PTPRZ1: variants seen among roughly 807,000 people sequenced by gnomAD.
PTPRZ1 encodes receptor-type tyrosine-protein phosphatase zeta.
PTPRZ1 carries 82 observed loss-of-function variants against 214.1 expected under a neutral mutation model. The ratio of observed to expected loss-of-function variants is 0.38; its 90% CI spans 0.32 to 0.46. The LOEUF (loss-of-function observed/expected upper bound fraction) is 0.46. Ranked by LOEUF, PTPRZ1 falls within the 20% of genes least tolerant of loss-of-function variation. The pLI, the probability that PTPRZ1 is intolerant of heterozygous loss-of-function variation, is 1.00. For missense variants in PTPRZ1, 2,603 were observed against 2,748.7 expected (o/e 0.95, Z 1.19); for synonymous variants, 945 against 987.9 (o/e 0.96, Z 0.81).
At chr7:121,966,169 A>G (rs1240009519) in intron 2 of PTPRZ1, among the ~76,000 whole-genome samples, 1 of 152,250 alleles carries the variant, frequency 6.6e-6, no homozygotes, top group Non-Finnish European at 1.5e-5. Flanking sequence ...ATTTCAGAGC[A>G]GAAAAGAGTT....
rs1226933461 is a variant in PTPRZ1 at position 122,010,347 on chromosome 7, G to A, written c.1301G>A (p.Gly434Glu). ...TEEIIKEEEE[G>E]KDIEEGAIVN... is the part of the protein sequence containing the mutation. ...TGCTTTTCAAAGGAGGAGGAAGAGG[G>A]AAAAGACATTGAAGAAGGCGCTATT... is the stretch of plus-strand genomic sequence containing the variant. The change falls in exon 12 of 30, where the codon GGA (glycine) becomes GAA (glutamate). Residue 434 changes from glycine to glutamate, a missense_variant. Gly to Glu is a moderately conservative substitution (Grantham distance 98). This residue lies in a region of PTPRZ1 where 1,913 missense variants were observed against 1,914.3 expected (regional missense o/e 1.00). Coordinates refer to ENST00000393386, the MANE Select transcript of PTPRZ1 (RefSeq NM_002851.3). The A allele has an allele frequency of 1.2e-6, 2 of 1,604,944 alleles. No homozygotes were observed. Among genetic ancestry groups the A allele is most frequent in the Non-Finnish European group, 1.7e-6 (2 of 1,177,222 alleles).
intron 6 of PTPRZ1, among the ~76,000 whole-genome samples, chr7:121,983,019 C>T (rs1352156045): frequency 6.6e-6 from 1 of 152,214 alleles, no homozygotes; most frequent in Non-Finnish European, 1.5e-5. Context: ...CTTCGTGATC[C>T]ACCCACCTTG....
intron 1 of PTPRZ1, among the ~76,000 whole-genome samples, chr7:121,912,712 G>GT (rs1163957742): frequency 6.6e-6 from 1 of 152,088 alleles, no homozygotes; most frequent in East Asian, 1.9e-4. Flanking sequence ...GAAAAGAGTG[G>GT]TGGCATCTGT....
Position 122,011,090 on chromosome 7 carries a change from C to G in PTPRZ1, c.2044C>G (p.Arg682Gly). 1 of 1,614,082 alleles carries G rather than the reference C, an allele frequency of 6.2e-7. No individual in the cohort carries two copies. The highest frequency in any genetic ancestry group is 8.5e-7 in the Non-Finnish European group (1 of 1,180,002). The change falls in exon 12 of 30, where the codon CGT becomes GGT. Residue 682 changes from arginine (R) to glycine (G), a missense_variant. Physicochemically the swap from Arg to Gly is moderately radical, Grantham distance 125. Around this residue, in one of 6 missense-constraint regions of PTPRZ1, gnomAD observed 1,913 missense variants for 1,914.3 expected, o/e 1.00. Coordinates refer to ENST00000393386, the MANE Select transcript of PTPRZ1 (RefSeq NM_002851.3). ...TCTCCAGACTAATTACACTGAGATA[C>G]GTGTTGATGAATCTGAGAAGACAAC... is the stretch of plus-strand genomic sequence containing the variant. Reference protein sequence around the residue: ...SFLQTNYTEIRVDESEKTTKS... With the variant: ...SFLQTNYTEIGVDESEKTTKS...
At chr7:121,992,067 G>A (rs1797983096) in intron 8 of PTPRZ1, among the ~76,000 whole-genome samples, 1 of 152,228 alleles carries the variant, frequency 6.6e-6, no homozygotes. Flanking sequence ...ATACTGTACA[G>A]AACTTCAAAT....
intron 11 of PTPRZ1, among the ~76,000 whole-genome samples, chr7:122,006,360 T>G (rs969054733): frequency 1.7e-4 from 26 of 152,156 alleles, no homozygotes; most frequent in African/African-American, 6.0e-4. Context: ...TAGCTGTAAT[T>G]TTGTATCATT....
intron 8 of PTPRZ1, among the ~76,000 whole-genome samples, chr7:121,988,662 A>G (rs892356419): frequency 6.6e-6 from 1 of 152,198 alleles, no homozygotes; most frequent in Non-Finnish European, 1.5e-5. Context: ...GCAGGTAGTA[A>G]GAGCCCTTTG....
intron 1 of PTPRZ1, among the ~76,000 whole-genome samples, chr7:121,899,494 T>C (rs561446979): frequency 3.9e-5 from 6 of 152,332 alleles, no homozygotes; most frequent in Non-Finnish European, 8.8e-5. Context: ...TCTTTGAAGT[T>C]ACTGAAAGCT....
In PTPRZ1 at chr7:122,010,844, T is replaced by G. The variant is rs138557746; in HGVS notation, c.1798T>G (p.Ser600Ala). 5.0e-6 allele frequency: 8 copies of G among 1,614,138 alleles called. No individual in the cohort carries two copies. Among genetic ancestry groups the G allele is most frequent in the Middle Eastern group, 1.7e-4 (1 of 6,060 alleles). ...SPATSAIPFI[S>A]ENISQGYIFS... ...CGCAACTTCTGCTATCCCATTCATC[T>G]CTGAGAACATATCCCAAGGGTATAT... The change falls in exon 12 of 30, where the codon TCT becomes GCT. Residue 600 changes from serine (S) to alanine (A), a missense_variant. Ser to Ala is a moderately conservative substitution (Grantham distance 99). This residue lies in a region of PTPRZ1 where 1,913 missense variants were observed against 1,914.3 expected (regional missense o/e 1.00). Transcript: ENST00000393386.
chr7:121,910,194 G>A (rs893862339), intron 1 of PTPRZ1, among the ~76,000 whole-genome samples: 1 of 152,188 alleles, frequency 6.6e-6, no homozygotes, highest in South Asian at 2.1e-4. Flanking sequence ...TCTTCCCTCA[G>A]GTGTCTGCAG....
intron 1 of PTPRZ1, among the ~76,000 whole-genome samples, chr7:121,875,570 T>A (rs1329786507): frequency 6.6e-6 from 1 of 152,262 alleles, no homozygotes; most frequent in African/African-American, 2.4e-5. Flanking sequence ...AATTAACTTT[T>A]AAAGACTATC....
intron 1 of PTPRZ1, among the ~76,000 whole-genome samples, chr7:121,880,425 CCTCT>C (rs764143132): frequency 4.1e-4 from 63 of 151,892 alleles, no homozygotes; most frequent in South Asian, 8.3e-4. Context: ...AACATTCTAC[CCTCT>C]CTCTCTGCCT....
Position 122,013,082 on chromosome 7 carries a change from G to T in PTPRZ1, c.4036G>T (p.Gly1346Cys), listed in dbSNP as rs778426362. The change falls in exon 12 of 30, where the codon GGT (glycine) becomes TGT (cysteine). Residue 1346 changes from glycine (G) to cysteine (C), a missense_variant. By Grantham distance (159) the Gly-to-Cys change is radical. Coordinates refer to ENST00000393386, the MANE Select transcript of PTPRZ1 (RefSeq NM_002851.3). The part of the protein sequence containing the change: ...ILTSTKSSVT[G>C]KVFAGIPTVA... The stretch of plus-strand genomic sequence containing the variant: ...AACCTCCACCAAAAGTTCTGTTACT[G>T]GTAAGGTATTTGCTGGTATTCCAAC... The T allele has an allele frequency of 5.6e-6, 9 of 1,613,522 alleles. No homozygotes were observed. Among genetic ancestry groups the T allele is most frequent in the Non-Finnish European group, 7.6e-6 (9 of 1,179,468 alleles).
chr7:121,938,891 A>G (rs1321912838), intron 2 of PTPRZ1, among the ~76,000 whole-genome samples: 1 of 151,856 alleles, frequency 6.6e-6, no homozygotes, highest in East Asian at 1.9e-4. Flanking sequence ...TTTTATCTCA[A>G]TAGTAGTACC....
intron 3 of PTPRZ1, among the ~76,000 whole-genome samples, chr7:121,969,241 A>C (rs1398748013): frequency 1.3e-5 from 2 of 151,006 alleles, no homozygotes; most frequent in African/African-American, 4.9e-5. Flanking sequence ...CTATCCAAAA[A>C]ATCAAATCAA....
rs1311101147 is a variant in PTPRZ1 at position 122,031,418 on chromosome 7, G to A, written c.5081-56G>A. ...TTCAGAAGCTACTTTATAAGTGATA[G>A]GTACGTTTATTTCTGTTAAATTATG... is the stretch of plus-strand genomic sequence containing the variant. On this transcript the variant is annotated intron_variant, in intron 14 of 29. Coordinates refer to ENST00000393386, the MANE Select transcript of PTPRZ1 (RefSeq NM_002851.3). The A allele has an allele frequency of 1.3e-5, 16 of 1,210,418 alleles. No individual in the cohort carries two copies. The African/African-American group carries it at 2.1e-4, about 16-fold the overall frequency. 75.0% of individuals were successfully genotyped at this position (1,210,418 alleles called of 1,614,324 possible).
chr7:121,892,039 A>G (rs558101313), intron 1 of PTPRZ1, among the ~76,000 whole-genome samples: 190 of 152,156 alleles, frequency 1.2e-3, no homozygotes, highest in Middle Eastern at 6.8e-3. Flanking sequence ...TTTTCTTTGG[A>G]TAGTCATACA....
At chr7:121,951,776 T>C (rs1296675764) in intron 2 of PTPRZ1, among the ~76,000 whole-genome samples, 1 of 152,150 alleles carries the variant, frequency 6.6e-6, no homozygotes, top group East Asian at 1.9e-4. Flanking sequence ...CTTCACTTCC[T>C]TTGCCCCAGC....
intron 1 of PTPRZ1, among the ~76,000 whole-genome samples, chr7:121,924,273 CT>C (rs1208356033): frequency 6.6e-6 from 1 of 151,998 alleles, no homozygotes; most frequent in Non-Finnish European, 1.5e-5. Flanking sequence ...TTGATAGATT[CT>C]TTTTTATATA....
Sources: allele counts gnomAD v4.1 joint callset (sites outside exome capture counted in the v4.1 genomes callset), GRCh38; gene constraint gnomAD v4.1.1; regional missense constraint gnomAD v4.1.1; transcripts MANE v1.5; gene names NCBI Gene and HGNC (gene_info 2026-07-23, HGNC 2026-07-21).